The following GALNTL6 variants were observed in gnomAD, a reference collection of about 807,000 sequenced individuals.
GALNTL6 encodes the protein polypeptide N-acetylgalactosaminyltransferase like 6.
In GALNTL6, 46 loss-of-function variants were observed where a neutral mutation model predicts 73.7. That is an observed-to-expected ratio of 0.62 (90% confidence interval 0.49 to 0.80). The LOEUF (loss-of-function observed/expected upper bound fraction) is 0.80, where lower values mean the gene tolerates loss of function less well. Ranked by LOEUF, GALNTL6 falls within the 30% of genes least tolerant of loss-of-function variation. GALNTL6 has a pLI of 0.00. For missense variants in GALNTL6, 604 were observed against 755.0 expected (o/e 0.80, Z 2.34); for synonymous variants, 259 against 263.7 (o/e 0.98, Z 0.17).
chr4:171,895,653 A>T (rs1417704559), intron 2 of GALNTL6, among the ~76,000 whole-genome samples: 1 of 152,316 alleles, frequency 6.6e-6, no homozygotes, highest in East Asian at 1.9e-4. Flanking sequence ...ATGCAGTCTT[A>T]TGTGACATAA....
intron 7 of GALNTL6, 83 bp downstream of exon 7, chr4:172,813,806 T>A: frequency 9.5e-7 from 1 of 1,052,674 alleles, no homozygotes; most frequent in Non-Finnish European, 1.4e-6. Context: ...AGAAGACAAT[T>A]ATCTCTAACA....
At chr4:172,471,374 A>G (rs1417479017) in intron 5 of GALNTL6, among the ~76,000 whole-genome samples, 1 of 152,208 alleles carries the variant, frequency 6.6e-6, no homozygotes, top group East Asian at 1.9e-4. Flanking sequence ...CTAGTCCTAG[A>G]TATTTAAAGG....
At chr4:172,939,577 G>A (rs186506078) in intron 9 of GALNTL6, among the ~76,000 whole-genome samples, 1 of 152,290 alleles carries the variant, frequency 6.6e-6, no homozygotes, top group Non-Finnish European at 1.5e-5. Context: ...CCTACTATGT[G>A]CCAGGCAGAA....
intron 5 of GALNTL6, among the ~76,000 whole-genome samples, chr4:172,369,780 G>C (rs1310571919): frequency 6.6e-6 from 1 of 152,152 alleles, no homozygotes; most frequent in Non-Finnish European, 1.5e-5. Context: ...ATCCCACCGA[G>C]CCTGCGCCCA....
chr4:171,831,946 A>G (rs1734987429), intron 2 of GALNTL6, among the ~76,000 whole-genome samples: 1 of 151,416 alleles, frequency 6.6e-6, no homozygotes, highest in South Asian at 2.1e-4. Context: ...TTTATTTTTA[A>G]TACTTTATAT....
intron 8 of GALNTL6, among the ~76,000 whole-genome samples, chr4:172,898,291 TACACACAC>T (rs5741949): frequency 0.077 from 11,318 of 147,324 alleles, 488 homozygotes; most frequent in South Asian, 0.11. Context: ...TATACTTTAT[TACACACAC>T]ACACACACAC....
intron 2 of GALNTL6, among the ~76,000 whole-genome samples, chr4:172,004,989 TTGAA>T (rs1318661396): frequency 1.1e-4 from 17 of 152,238 alleles, no homozygotes; most frequent in Middle Eastern, 3.4e-3. Context: ...CTTAAGTTCT[TTGAA>T]TAAGTTTTTC....
chr4:172,054,378 CTTAG>C (rs1354511654), intron 2 of GALNTL6, among the ~76,000 whole-genome samples: 5 of 152,040 alleles, frequency 3.3e-5, no homozygotes, highest in African/African-American at 7.2e-5. Flanking sequence ...TGCAAAGTGT[CTTAG>C]TTTATTTAGG....
At chr4:172,880,481 A>G (rs964602597) in intron 7 of GALNTL6, among the ~76,000 whole-genome samples, 1 of 152,126 alleles carries the variant, frequency 6.6e-6, no homozygotes, top group Non-Finnish European at 1.5e-5. Context: ...GACAGAAAGC[A>G]GATCAGTCAT....
intron 5 of GALNTL6, among the ~76,000 whole-genome samples, chr4:172,799,734 T>C (rs1303101938): frequency 6.6e-6 from 1 of 152,144 alleles, no homozygotes; most frequent in African/African-American, 2.4e-5. Flanking sequence ...ACAATAGAAC[T>C]ACCATTTGAT....
intron 9 of GALNTL6, among the ~76,000 whole-genome samples, chr4:172,944,301 T>C (rs1292582051): frequency 6.6e-6 from 1 of 152,222 alleles, no homozygotes; most frequent in East Asian, 1.9e-4. Context: ...ATTTTTAAAA[T>C]GGGTAAATGA....
intron 7 of GALNTL6, among the ~76,000 whole-genome samples, chr4:172,881,746 G>T (rs1036252219): frequency 6.6e-6 from 1 of 152,048 alleles, no homozygotes; most frequent in Non-Finnish European, 1.5e-5. Flanking sequence ...TGTTTTTATC[G>T]ATTTGCTTGA....
intron 5 of GALNTL6, among the ~76,000 whole-genome samples, chr4:172,456,229 C>A (rs540039935): frequency 6.6e-6 from 1 of 152,120 alleles, no homozygotes; most frequent in East Asian, 1.9e-4. Flanking sequence ...GTAGATAAAT[C>A]CACAAAGATG....
At chr4:172,012,331 A>C (rs1251640084) in intron 2 of GALNTL6, among the ~76,000 whole-genome samples, 4 of 152,096 alleles carry the variant, frequency 2.6e-5, no homozygotes, top group Admixed American at 2.6e-4. Flanking sequence ...GAGCAGCCCA[A>C]GTACAACCCT....
intron 2 of GALNTL6, among the ~76,000 whole-genome samples, chr4:172,197,795 G>A (rs1579242898): frequency 6.6e-6 from 1 of 152,152 alleles, no homozygotes; most frequent in East Asian, 1.9e-4. Flanking sequence ...AACTCAAGAT[G>A]AATTAAAGAC....
chr4:172,074,307 T>C (rs773025956), intron 2 of GALNTL6, among the ~76,000 whole-genome samples: 5 of 152,138 alleles, frequency 3.3e-5, no homozygotes, highest in Non-Finnish European at 5.9e-5. Context: ...CAATCAAAAA[T>C]GTAAAACCTG....
chr4:172,680,396 G>A (rs1267691225), intron 5 of GALNTL6, among the ~76,000 whole-genome samples: 2 of 151,968 alleles, frequency 1.3e-5, no homozygotes, highest in African/African-American at 2.4e-5. Context: ...AGGAAGGAAG[G>A]AATGAAGGGC....
chr4:172,020,627 G>A (rs568353342), intron 2 of GALNTL6, among the ~76,000 whole-genome samples: 101 of 151,016 alleles, frequency 6.7e-4, no homozygotes, highest in African/African-American at 2.3e-3. Context: ...TACAAAACCT[G>A]AACAGATCAA....
intron 2 of GALNTL6, among the ~76,000 whole-genome samples, chr4:172,213,151 C>A (rs573906474): frequency 1.3e-5 from 2 of 151,904 alleles, no homozygotes; most frequent in Non-Finnish European, 2.9e-5. Flanking sequence ...GATAATATTC[C>A]ATTGTATAGA....
Sources: allele counts gnomAD v4.1 joint callset (sites outside exome capture counted in the v4.1 genomes callset), GRCh38; gene constraint gnomAD v4.1.1; transcripts MANE v1.5; gene names NCBI Gene and HGNC (gene_info 2026-07-23, HGNC 2026-07-21).